GALNT17: variants seen among roughly 807,000 people sequenced by gnomAD.
GALNT17 encodes the protein UDP-GalNAc:polypeptide N-acetylgalactosaminyltransferase-like 3.
A neutral mutation model predicts 63.7 loss-of-function variants in GALNT17; 29 were observed. The ratio of observed to expected loss-of-function variants is 0.46; its 90% CI spans 0.34 to 0.62. GALNT17 has a LOEUF of 0.62. Among genes scored for constraint, GALNT17 ranks in the 20% least tolerant of loss-of-function variants. The pLI, the probability that GALNT17 is intolerant of heterozygous loss-of-function variation, is 0.01. For synonymous variants in GALNT17, 305 were observed against 318.3 expected (o/e 0.96, Z 0.45); for missense variants, 603 against 799.6 (o/e 0.75, Z 2.97).
chr7:71,358,539 A>G lies in GALNT17; in HGVS notation c.422+22806A>G, dbSNP rs372276402. Among the ~76,000 whole-genome samples, 6 of 152,100 alleles carry G rather than the reference A, an allele frequency of 3.9e-5. No homozygotes were observed. The East Asian group carries it at 5.8e-4, about 15-fold the overall frequency. ...GTCCTACTCTTAGCAGCAGCTTCCCACTTTCTGGTTCCACAGTTTTCCTAG... is the reference window on the plus strand; with the variant it reads ...GTCCTACTCTTAGCAGCAGCTTCCCGCTTTCTGGTTCCACAGTTTTCCTAG... On this transcript the variant is annotated intron_variant, in intron 2 of 10. Transcript: ENST00000333538.
intron 5 of GALNT17, among the ~76,000 whole-genome samples, chr7:71,486,480 C>A (rs773816534): frequency 5.3e-5 from 8 of 151,568 alleles, no homozygotes; most frequent in Non-Finnish European, 1.0e-4. Context: ...CCCATGTGAA[C>A]CATAGTTCAT....
At chr7:71,550,377 T>C (rs929976688) in intron 5 of GALNT17, among the ~76,000 whole-genome samples, 7 of 150,302 alleles carry the variant, frequency 4.7e-5, no homozygotes, top group Non-Finnish European at 1.0e-4. Context: ...TGTTTTTTTG[T>C]GTGTGTTTTT....
intron 5 of GALNT17, among the ~76,000 whole-genome samples, chr7:71,489,828 C>T (rs1386362512): frequency 1.3e-5 from 2 of 152,344 alleles, no homozygotes; most frequent in South Asian, 4.1e-4. Flanking sequence ...TTCAGGGCCT[C>T]AATCTCCTGT....
intron 5 of GALNT17, among the ~76,000 whole-genome samples, chr7:71,556,073 T>C (rs1789158780): frequency 6.6e-6 from 1 of 152,256 alleles, no homozygotes; most frequent in South Asian, 2.1e-4. Context: ...AAAAAGCCCA[T>C]TCATAAGTTT....
intron 6 of GALNT17, among the ~76,000 whole-genome samples, chr7:71,612,517 CT>C (rs1314173771): frequency 6.6e-6 from 1 of 152,164 alleles, no homozygotes; most frequent in East Asian, 1.9e-4. Context: ...TGCTAATATT[CT>C]GATTAAGTGT....
intron 1 of GALNT17, among the ~76,000 whole-genome samples, chr7:71,221,383 CT>C (rs33954579): frequency 0.041 from 4,558 of 110,824 alleles, 104 homozygotes; most frequent in African/African-American, 0.096. Flanking sequence ...TACAGCCATG[CT>C]TTTTTTTTTT....
At chr7:71,470,676 A>G (rs955211774) in intron 5 of GALNT17, among the ~76,000 whole-genome samples, 12 of 152,162 alleles carry the variant, frequency 7.9e-5, no homozygotes, top group African/African-American at 2.9e-4. Context: ...AAAGACACCC[A>G]GGGGACCCTC....
intron 6 of GALNT17, among the ~76,000 whole-genome samples, chr7:71,593,259 CTTTTTTTTTT>C (rs56193714): frequency 5.6e-5 from 4 of 70,992 alleles, no homozygotes; most frequent in African/African-American, 1.7e-4. Flanking sequence ...ATTTTTCTTC[CTTTTTTTTTT>C]TTTTTTTTTT....
chr7:71,357,697 G>A (rs564427718), intron 2 of GALNT17, among the ~76,000 whole-genome samples: 172 of 152,160 alleles, frequency 1.1e-3, no homozygotes, highest in African/African-American at 4.0e-3. Flanking sequence ...ATTTGAGGTC[G>A]GGAGTTCGAG....
At position 71,132,760 on chromosome 7, in the gene GALNT17, C is replaced by G; in HGVS notation, c.-43C>G. ...GGCTGCCCCGCGCCTCGCCGGAGCC[C>G]GAGGGGGCGCAGGTCCGGGGCGAGG... On this transcript the variant is annotated 5_prime_UTR_variant, in exon 1 of 11. Transcript: ENST00000333538. The G allele has an allele frequency of 6.6e-7, 1 of 1,519,904 alleles. No homozygotes were observed. The highest frequency in any genetic ancestry group is 1.4e-5 in the African/African-American group (1 of 72,072). The allele number at this position is 1,519,904 out of a possible 1,614,324, so 94.2% of individuals were successfully genotyped here.
intron 5 of GALNT17, among the ~76,000 whole-genome samples, chr7:71,555,188 C>T (rs1193325520): frequency 6.6e-6 from 1 of 151,810 alleles, no homozygotes; most frequent in African/African-American, 2.4e-5. Flanking sequence ...AAACAGGTCC[C>T]ATCAGGCCCC....
chr7:71,693,020 C>T (rs1328751790), intron 9 of GALNT17, among the ~76,000 whole-genome samples: 1 of 151,488 alleles, frequency 6.6e-6, no homozygotes, highest in Admixed American at 6.6e-5. Flanking sequence ...GCCACCGCAC[C>T]CAGCCATAAG....
intron 5 of GALNT17, among the ~76,000 whole-genome samples, chr7:71,460,446 A>G (rs1215753512): frequency 6.6e-6 from 1 of 152,226 alleles, no homozygotes; most frequent in African/African-American, 2.4e-5. Flanking sequence ...CCCACCTGCA[A>G]TTGGTCTGTG....
intron 1 of GALNT17, among the ~76,000 whole-genome samples, chr7:71,181,512 A>G (rs537263893): frequency 6.6e-6 from 1 of 152,274 alleles, no homozygotes; most frequent in East Asian, 1.9e-4. Flanking sequence ...GATGAGAAGG[A>G]TGAAGGGGTG....
intron 1 of GALNT17, among the ~76,000 whole-genome samples, chr7:71,193,737 G>T (rs1788995807): frequency 6.6e-6 from 1 of 151,954 alleles, no homozygotes; most frequent in Admixed American, 6.6e-5. Context: ...TTTAATTTGT[G>T]TCAGAAAATA....
chr7:71,604,112 CATGCTAAGTGCATATACCAGGTACT>C (rs1790010456), intron 6 of GALNT17, among the ~76,000 whole-genome samples: 2 of 144,048 alleles, frequency 1.4e-5, no homozygotes, highest in African/African-American at 5.2e-5. Context: ...CAGTGGATAC[CATGCTAAGTGCATATACCAGGTACT>C]ATGCTAAGTG....
intron 1 of GALNT17, among the ~76,000 whole-genome samples, chr7:71,269,883 A>G (rs978462748): frequency 6.6e-6 from 1 of 152,144 alleles, no homozygotes; most frequent in African/African-American, 2.4e-5. Context: ...TTTGTTGTAA[A>G]ACCTAACAAG....
At chr7:71,450,009 TC>T (rs1364794829) in intron 5 of GALNT17, among the ~76,000 whole-genome samples, 4 of 146,112 alleles carry the variant, frequency 2.7e-5, no homozygotes, top group Admixed American at 2.1e-4. Context: ...GCCATCGCAC[TC>T]CAGCCTGGGC....
chr7:71,254,008 G>A (rs1461542558), intron 1 of GALNT17, among the ~76,000 whole-genome samples: 2 of 152,148 alleles, frequency 1.3e-5, no homozygotes, highest in Non-Finnish European at 2.9e-5. Context: ...TGCCCCAGGA[G>A]GTCTGGTTAC....
Sources: allele counts gnomAD v4.1 joint callset (sites outside exome capture counted in the v4.1 genomes callset), GRCh38; gene constraint gnomAD v4.1.1; transcripts MANE v1.5; gene names NCBI Gene and HGNC (gene_info 2026-07-23, HGNC 2026-07-21).